ENPP1: variants seen among roughly 807,000 people sequenced by gnomAD.
The protein encoded by ENPP1 is ectonucleotide pyrophosphatase/phosphodiesterase family member 1.
A neutral mutation model predicts 122.8 loss-of-function variants in ENPP1; 73 were observed. That is an observed-to-expected ratio of 0.59 (90% CI 0.49 to 0.72). The LOEUF is 0.72. Among genes scored for constraint, ENPP1 ranks in the 30% least tolerant of loss-of-function variants. ENPP1 has a pLI of 0.00. For missense variants in ENPP1, 978 were observed against 1,128.1 expected, an observed-to-expected ratio of 0.87 and a Z score of 1.91; for synonymous variants, 367 against 391.6, an observed-to-expected ratio of 0.94 and a Z score of 0.74.
intron 16 of ENPP1, among the ~76,000 whole-genome samples, chr6:131,875,288 A>G (rs868626452): frequency 3.2e-4 from 49 of 152,258 alleles, no homozygotes; most frequent in African/African-American, 1.1e-3. Flanking sequence ...TCTAATAATT[A>G]TTTTTCAAAT....
chr6:131,808,294 C>T lies in ENPP1; in HGVS notation c.240+19C>T. ...CTCGCTGGTAGGTCCGCGGCCAGGC[C>T]CCGGCGCCCGGGAGGGCTGGGAGTA... On this transcript the variant is annotated intron_variant, in intron 1 of 24. Coordinates refer to ENST00000647893, the MANE Select transcript of ENPP1 (RefSeq NM_006208.3). 2.7e-6 allele frequency: 4 copies of T among 1,484,490 alleles called. No homozygotes were observed. Among genetic ancestry groups the T allele is most frequent in the South Asian group, 1.3e-5 (1 of 76,446 alleles). The allele number at this position is 1,484,490 out of a possible 1,614,324, so 92.0% of individuals were successfully genotyped here.
intron 11 of ENPP1, among the ~76,000 whole-genome samples, chr6:131,865,902 A>T (rs2114708062): frequency 6.6e-6 from 1 of 152,184 alleles, no homozygotes; most frequent in Non-Finnish European, 1.5e-5. Context: ...AGGCTGAGGC[A>T]AGAGAATCGC....
rs1016457523 is a variant in ENPP1, at chr6:131,834,093, A to G, written c.241-13683A>G. 3.2e-4 allele frequency among the ~76,000 whole-genome samples: 48 copies of G among 152,238 alleles called. 1 individual carries two copies. Among genetic ancestry groups the G allele is most frequent in the Admixed American group, 2.8e-3 (43 of 15,286 alleles). On this transcript the variant is annotated intron_variant, in intron 1 of 24. Coordinates refer to ENST00000647893, the MANE Select transcript of ENPP1 (RefSeq NM_006208.3). ...GTGAACATGAAAGCTCAATGAAACC[A>G]TTACTTTATACTATGAGATGGATGT...
chr6:131,845,028 T>TTTCAA (rs1336361778), intron 1 of ENPP1, among the ~76,000 whole-genome samples: 2 of 149,852 alleles, frequency 1.3e-5, no homozygotes, highest in African/African-American at 4.9e-5. Context: ...ATAAATACAA[T>TTTCAA]TTCAATTCTT....
intron 1 of ENPP1, among the ~76,000 whole-genome samples, chr6:131,809,551 G>A (rs888354418): frequency 1.1e-4 from 17 of 152,202 alleles, no homozygotes; most frequent in Non-Finnish European, 1.5e-5. Context: ...CAATATTGAT[G>A]AGAACTTAGT....
chr6:131,890,636 ATG>A lies in ENPP1; in HGVS notation c.*126_*127del. 1 of 822,778 alleles carries A rather than the reference ATG, an allele frequency of 1.2e-6. No individual in the cohort carries two copies. Among genetic ancestry groups the A allele is most frequent in the Non-Finnish European group, 2.0e-6 (1 of 489,918 alleles). 51.0% of individuals were successfully genotyped at this position (822,778 alleles called of 1,614,324 possible). A position where few individuals can be genotyped will look rare whatever the true frequency, so the allele number is the denominator to read the frequency against. ...CAGAGTTAGAACGGAGCCCTCGGTG[ATG>A]CGGACATCTCAGGGAAACTTGCGTA... On this transcript the variant is annotated 3_prime_UTR_variant, in exon 25 of 25. Coordinates refer to ENST00000647893, the MANE Select transcript of ENPP1 (RefSeq NM_006208.3).
At chr6:131,847,507 A>G (rs1781824219) in intron 1 of ENPP1, among the ~76,000 whole-genome samples, 1 of 152,244 alleles carries the variant, frequency 6.6e-6, no homozygotes, top group African/African-American at 2.4e-5. Context: ...GTTTAGAAAC[A>G]TTTAAAGCAA....
At position 131,878,603 on chromosome 6, in the gene ENPP1, G is replaced by A; in HGVS notation, c.1945+10G>A. On this transcript the variant is annotated intron_variant, in intron 19 of 24. Transcript: ENST00000647893. ...CTGACTGTGGCAGAAGGTAAGGCAT[G>A]CTACACACTCAAGCTCGGAATGTGA... 6.2e-7 allele frequency: 1 copy of A among 1,605,580 alleles called. No individual in the cohort carries two copies. Among genetic ancestry groups the A allele is most frequent in the Non-Finnish European group, 8.5e-7 (1 of 1,172,516 alleles).
At chr6:131,861,540 C>T in intron 8 of ENPP1, 55 bp from the exon 9 acceptor site, 1 of 1,128,076 alleles carries the variant, frequency 8.9e-7, no homozygotes, top group East Asian at 2.4e-5. Flanking sequence ...TACATACTTT[C>T]CTAAGAGATG....
At chr6:131,829,627 T>C (rs1309485692) in intron 1 of ENPP1, among the ~76,000 whole-genome samples, 1 of 152,126 alleles carries the variant, frequency 6.6e-6, no homozygotes, top group Non-Finnish European at 1.5e-5. Flanking sequence ...CAAAATAATT[T>C]AATATAGGAA....
chr6:131,846,808 A>C (rs1781816983), intron 1 of ENPP1, among the ~76,000 whole-genome samples: 1 of 152,212 alleles, frequency 6.6e-6, no homozygotes. Flanking sequence ...CACACTAAAA[A>C]AAATTGAGGA....
intron 1 of ENPP1, among the ~76,000 whole-genome samples, chr6:131,813,541 A>G (rs1781380182): frequency 6.6e-6 from 1 of 151,256 alleles, no homozygotes; most frequent in South Asian, 2.1e-4. Context: ...AAAAAAAAAA[A>G]GGGATGTTGT....
At chr6:131,813,007 T>G (rs983848257) in intron 1 of ENPP1, among the ~76,000 whole-genome samples, 1 of 152,064 alleles carries the variant, frequency 6.6e-6, no homozygotes, top group Non-Finnish European at 1.5e-5. Flanking sequence ...TCCTGGCTAA[T>G]TTTTTTGTAT....
At chr6:131,883,648 T>C (rs933670547) in intron 21 of ENPP1, 46 bp from the exon 22 acceptor site, 5 of 930,650 alleles carry the variant, frequency 5.4e-6, no homozygotes, top group African/African-American at 4.9e-5. Context: ...TAATTTCCTA[T>C]GTTATTTGTG....
chr6:131,882,197 T>C (rs1782319810), intron 20 of ENPP1, 148 bp from the exon 21 acceptor site: 1 of 592,856 alleles, frequency 1.7e-6, no homozygotes, highest in Non-Finnish European at 3.0e-6. Flanking sequence ...GAAAAAAAGA[T>C]GAATATACTA....
intron 20 of ENPP1, among the ~76,000 whole-genome samples, chr6:131,880,554 G>A (rs1782290619): frequency 6.6e-6 from 1 of 150,470 alleles, no homozygotes; most frequent in African/African-American, 2.5e-5. Flanking sequence ...GTGACAGAGT[G>A]AGACTCCATC....
At position 131,883,782 on chromosome 6, in the gene ENPP1, A is replaced by G. The variant is rs760047831; in HGVS notation, c.2311+8A>G. 3.0e-6 allele frequency: 4 copies of G among 1,328,426 alleles called. No homozygotes were observed. In the Admixed American group the frequency reaches 5.0e-5, roughly 17 times the overall value. 82.3% of individuals were successfully genotyped at this position (1,328,426 alleles called of 1,614,324 possible). A position where few individuals can be genotyped will look rare whatever the true frequency, so the allele number is the denominator to read the frequency against. ...TGTACCAGAGTTTTCAAGGTAAATA[A>G]TGTTAACTCTATATTTGATAATTTT... is the stretch of plus-strand genomic sequence containing the variant. On this transcript the variant is annotated splice_region_variant and intron_variant, in intron 22 of 24. Transcript: ENST00000647893.
intron 3 of ENPP1, among the ~76,000 whole-genome samples, chr6:131,850,598 T>C (rs764252245): frequency 6.6e-6 from 1 of 152,214 alleles, no homozygotes; most frequent in Non-Finnish European, 1.5e-5. Context: ...AGACAGGGAC[T>C]TGTTCTGTCA....
At chr6:131,849,861 A>G (rs1781858920) in intron 2 of ENPP1, 129 bp from the exon 3 acceptor site, 2 of 733,108 alleles carry the variant, frequency 2.7e-6, no homozygotes, top group Admixed American at 2.0e-5. Context: ...GCCTTACTTT[A>G]TTACCCCATC....
Sources: gnomAD v4.1 joint callset for allele counts (sites outside exome capture counted in the v4.1 genomes callset) on GRCh38, gnomAD v4.1.1 for gene constraint, MANE v1.5 for transcripts, NCBI Gene and HGNC (gene_info 2026-07-23, HGNC 2026-07-21) for gene names.